Variants in FGF9 observed in about 807,000 individuals in gnomAD.
FGF9 encodes the protein fibroblast growth factor 9 (glia-activating factor).
In FGF9, 3 loss-of-function variants were observed where a neutral mutation model predicts 19.9. The ratio of observed to expected loss-of-function variants is 0.15; its 90% CI spans 0.07 to 0.39. The LOEUF (loss-of-function observed/expected upper bound fraction) is 0.39. FGF9 is among the 10% of genes least tolerant of loss of function. The pLI, the probability that FGF9 is intolerant of heterozygous loss-of-function variation, is 1.00. For missense variants in FGF9, 175 were observed against 256.8 expected (o/e 0.68, Z 2.18); for synonymous variants, 107 against 106.9 (o/e 1.00, Z -0.01).
chr13:21,676,398 A>C (rs1238203851), intron 1 of FGF9, among the ~76,000 whole-genome samples: 1 of 152,146 alleles, frequency 6.6e-6, no homozygotes, highest in African/African-American at 2.4e-5. Flanking sequence ...TTTGAACTTT[A>C]ATTCTGTTCT....
intron 2 of FGF9, among the ~76,000 whole-genome samples, chr13:21,693,735 C>T (rs1323416737): frequency 2.6e-5 from 4 of 152,226 alleles, no homozygotes; most frequent in East Asian, 3.9e-4. Flanking sequence ...GCGATGCCTT[C>T]GAGGACTGTA....
intron 2 of FGF9, among the ~76,000 whole-genome samples, chr13:21,690,400 CACTT>C (rs1872259040): frequency 6.6e-6 from 1 of 152,060 alleles, no homozygotes; most frequent in Admixed American, 6.6e-5. Flanking sequence ...TACACACACT[CACTT>C]GCTCACACCC....
Position 21,701,604 on chromosome 13 carries a change from C to G in FGF9, c.*169C>G. ...TGGATGGGAATATGCTGATTTTGTT[C>G]TGCACTTAAAGGCTTCTCCTCCTGG... is the stretch of plus-strand genomic sequence containing the variant. On this transcript the variant is annotated 3_prime_UTR_variant, in exon 3 of 3. Coordinates refer to ENST00000382353, the MANE Select transcript of FGF9 (RefSeq NM_002010.3). 6 of 945,758 alleles carry G rather than the reference C, an allele frequency of 6.3e-6. No homozygotes were observed. The highest frequency in any genetic ancestry group is 2.2e-5 in the Admixed American group (1 of 45,160). The allele number at this position is 945,758 out of a possible 1,614,324, so 58.6% of individuals were successfully genotyped here.
chr13:21,688,092 C>T (rs9552466), intron 2 of FGF9, among the ~76,000 whole-genome samples: 41,061 of 152,058 alleles, frequency 0.27, 6,867 homozygotes, highest in East Asian at 0.43. Flanking sequence ...CCCTTGTCTC[C>T]GTCAGGTGCT....
chr13:21,680,628 T>C (rs967991851), intron 1 of FGF9, among the ~76,000 whole-genome samples: 1 of 152,226 alleles, frequency 6.6e-6, no homozygotes, highest in African/African-American at 2.4e-5. Flanking sequence ...TCTCTCAAAA[T>C]AAGAGAATCA....
chr13:21,689,334 T>G (rs1872233878), intron 2 of FGF9, among the ~76,000 whole-genome samples: 1 of 152,232 alleles, frequency 6.6e-6, no homozygotes, highest in African/African-American at 2.4e-5. Flanking sequence ...AGGCAGGGAC[T>G]TGGTGACTGT....
At chr13:21,697,625 G>A (rs1392615643) in intron 2 of FGF9, among the ~76,000 whole-genome samples, 2 of 151,956 alleles carry the variant, frequency 1.3e-5, no homozygotes, top group Non-Finnish European at 2.9e-5. Context: ...CTTTAAAAAA[G>A]TATAAAATGA....
intron 2 of FGF9, among the ~76,000 whole-genome samples, chr13:21,683,564 A>G (rs774970702): frequency 1.5e-4 from 23 of 152,222 alleles, no homozygotes; most frequent in Admixed American, 3.3e-4. Context: ...ACAGCTGCAC[A>G]TCTTGCCGAC....
In FGF9 at chr13:21,672,340, C is replaced by A. The variant is rs1167719890; in HGVS notation, c.277+151C>A. On this transcript the variant is annotated intron_variant, in intron 1 of 2. Transcript: ENST00000382353. The surrounding 1 kb of genome is among the most constrained non-coding windows in gnomAD (Gnocchi z 4.2). ...TCTGTCTCTCTCTCTCTCTGTCTTG[C>A]CAGCTCCGAAAAAAAAATGCCTCCG... The A allele has an allele frequency of 2.2e-6, 2 of 896,686 alleles. No individual in the cohort carries two copies. Among genetic ancestry groups the A allele is most frequent in the Admixed American group, 2.2e-5 (1 of 45,684 alleles). 55.5% of individuals were successfully genotyped at this position (896,686 alleles called of 1,614,324 possible). A position where few individuals can be genotyped will look rare whatever the true frequency, so the allele number is the denominator to read the frequency against.
intron 2 of FGF9, among the ~76,000 whole-genome samples, chr13:21,685,019 T>C (rs909646005): frequency 2.6e-5 from 4 of 152,250 alleles, no homozygotes; most frequent in African/African-American, 9.6e-5. Context: ...GTGGTTATCA[T>C]GCCTCGTGTG....
intron 1 of FGF9, among the ~76,000 whole-genome samples, chr13:21,677,849 GT>G (rs1290921887): frequency 6.6e-6 from 1 of 152,198 alleles, no homozygotes; most frequent in Non-Finnish European, 1.5e-5. Flanking sequence ...TCTGTAGGTA[GT>G]TCCTTCTCGC....
chr13:21,694,487 C>G (rs7335527), intron 2 of FGF9, among the ~76,000 whole-genome samples: 1 of 152,072 alleles, frequency 6.6e-6, no homozygotes, highest in South Asian at 2.1e-4. Context: ...TACTTCTCAG[C>G]CTTTTAGCTT....
At chr13:21,700,446 G>T (rs2138149459) in intron 2 of FGF9, among the ~76,000 whole-genome samples, 1 of 152,282 alleles carries the variant, frequency 6.6e-6, no homozygotes, top group Admixed American at 6.5e-5. Flanking sequence ...TTAAAGGTTT[G>T]GGGCTCAGAA....
At chr13:21,687,500 T>C (rs926459053) in intron 2 of FGF9, among the ~76,000 whole-genome samples, 2 of 152,210 alleles carry the variant, frequency 1.3e-5, no homozygotes, top group Admixed American at 6.5e-5. Flanking sequence ...AAATGCACAC[T>C]GACACAGTGG....
intron 2 of FGF9, among the ~76,000 whole-genome samples, chr13:21,689,206 C>T (rs1416289103): frequency 3.9e-5 from 6 of 152,120 alleles, no homozygotes; most frequent in Non-Finnish European, 8.8e-5. Flanking sequence ...TTCTGAAGTG[C>T]CCCTGCCTGG....
chr13:21,686,571 C>T (rs758603972), intron 2 of FGF9, among the ~76,000 whole-genome samples: 2 of 152,248 alleles, frequency 1.3e-5, no homozygotes, highest in Admixed American at 6.5e-5. Flanking sequence ...TAACATTTCT[C>T]GTTTGTATCC....
rs1023963491 is a variant in FGF9 at position 21,701,623 on chromosome 13, C to T, written c.*188C>T. The T allele has an allele frequency of 1.3e-6, 1 of 751,694 alleles. No individual in the cohort carries two copies. Among genetic ancestry groups the T allele is most frequent in the Non-Finnish European group, 2.1e-6 (1 of 467,696 alleles). 46.6% of individuals were successfully genotyped at this position (751,694 alleles called of 1,614,324 possible). On this transcript the variant is annotated 3_prime_UTR_variant, in exon 3 of 3. Transcript: ENST00000382353. ...TTTGTTCTGCACTTAAAGGCTTCTCCTCCTGGAGGGCTGCCTAGGGCCACT... is the reference window on the plus strand; with the variant it reads ...TTTGTTCTGCACTTAAAGGCTTCTCTTCCTGGAGGGCTGCCTAGGGCCACT...
At chr13:21,677,399 A>C (rs1343478046) in intron 1 of FGF9, among the ~76,000 whole-genome samples, 1 of 152,038 alleles carries the variant, frequency 6.6e-6, no homozygotes, top group Admixed American at 6.6e-5. Flanking sequence ...TCTGCACAGA[A>C]GGCTTCTCCT....
At position 21,699,820 on chromosome 13, in the gene FGF9, G is replaced by A. The variant is rs1054070593; in HGVS notation, c.382-1370G>A. Among the ~76,000 whole-genome samples, 6 of 152,142 alleles carry A rather than the reference G, an allele frequency of 3.9e-5. No individual in the cohort carries two copies. The East Asian group carries it at 1.2e-3, about 29-fold the overall frequency. On this transcript the variant is annotated intron_variant, in intron 2 of 2. Transcript: ENST00000382353. ...CTTATTTATATAAGGCGCCAGGTAG[G>A]TAAGAGAAAAGAAACTATTTCTAAC... is the stretch of plus-strand genomic sequence containing the variant.
Sources: gnomAD v4.1 joint callset for allele counts (sites outside exome capture counted in the v4.1 genomes callset) on GRCh38, gnomAD v4.1.1 for gene constraint, Gnocchi (gnomAD v3.1) non-coding constraint, MANE v1.5 for transcripts, NCBI Gene and HGNC (gene_info 2026-07-23, HGNC 2026-07-21) for gene names.